The following ALMS1 variants were observed in gnomAD, a reference collection of about 807,000 sequenced individuals.
ALMS1 encodes the protein ALMS1 centrosome and basal body associated protein.
In ALMS1, 271 loss-of-function variants were observed where a neutral mutation model predicts 352.2. The observed-to-expected ratio is 0.77, with a 90% CI of 0.70 to 0.85. The LOEUF (loss-of-function observed/expected upper bound fraction) is 0.85. ALMS1 is among the 40% of genes least tolerant of loss of function. The pLI is 0.00. For synonymous variants in ALMS1, 1,865 were observed against 1,761.2 expected, an observed-to-expected ratio of 1.06 and a Z score of -1.48; for missense variants, 5,445 against 4,870.7, an observed-to-expected ratio of 1.12 and a Z score of -3.51.
intron 15 of ALMS1, among the ~76,000 whole-genome samples, chr2:73,570,894 T>A (rs1243274229): frequency 3.3e-5 from 5 of 152,202 alleles, no homozygotes; most frequent in Non-Finnish European, 7.3e-5. Context: ...TAGCTCTCAT[T>A]TTTACTTCAC....
At chr2:73,497,548 T>C (rs7572722) in intron 10 of ALMS1, among the ~76,000 whole-genome samples, 45,944 of 151,772 alleles carry the variant, frequency 0.3, 8,478 homozygotes, top group African/African-American at 0.53. Flanking sequence ...GTACAAGTTA[T>C]GTTAACACTA....
In ALMS1 at chr2:73,448,834, G is replaced by C; in HGVS notation, c.2307G>C (p.Lys769Asn). Residue 769 changes from lysine (K) to asparagine (N), a missense_variant, in exon 8 of 23, where the codon AAG (lysine) becomes AAC (asparagine). By Grantham distance (94) the Lys-to-Asn change is moderately conservative. Transcript: ENST00000613296. The stretch of plus-strand genomic sequence containing the variant: ...CTAGTTCTTACTCACAAAGAGAAAA[G>C]CCTAGTATTTTGTACCCACAGGACT... ...VQSSSYSQREKPSILYPQDLA... is the reference protein window; with the variant it reads ...VQSSSYSQRENPSILYPQDLA... 6.2e-7 allele frequency: 1 copy of C among 1,613,942 alleles called. No homozygotes were observed. The highest frequency in any genetic ancestry group is 8.5e-7 in the Non-Finnish European group (1 of 1,179,966).
chr2:73,482,112 A>C (rs945574962), intron 9 of ALMS1, among the ~76,000 whole-genome samples: 1 of 152,184 alleles, frequency 6.6e-6, no homozygotes, highest in African/African-American at 2.4e-5. Context: ...TTCCAACACC[A>C]TGTTGAATAG....
rs1485969883 is a variant in ALMS1, at chr2:73,451,056, G to T, written c.4529G>T (p.Gly1510Val). The change falls in exon 8 of 23, where the codon GGC (glycine) becomes GTC (valine). Residue 1510 changes from glycine (G) to valine (V), a missense_variant. By Grantham distance (109) the Gly-to-Val change is moderately radical. Coordinates refer to ENST00000613296, the MANE Select transcript of ALMS1 (RefSeq NM_001378454.1). ...GTTTCAGTTGCTCCTGGACCAGTTG[G>T]CCAGACAACTGGCGCACCAACTATA... ...LKVSVAPGPVGQTTGAPTITS... is the reference protein window; with the variant it reads ...LKVSVAPGPVVQTTGAPTITS... 3 of 1,608,564 alleles carry T rather than the reference G, an allele frequency of 1.9e-6. No homozygotes were observed. The highest frequency in any genetic ancestry group is 1.7e-6 in the Non-Finnish European group (2 of 1,178,400).
At chr2:73,572,150 A>T in intron 15 of ALMS1, 112 bp from the exon 16 acceptor site, 1 of 938,520 alleles carries the variant, frequency 1.1e-6, no homozygotes, top group Non-Finnish European at 1.6e-6. Context: ...TACCTTATAT[A>T]AACTATTCTT....
intron 11 of ALMS1, among the ~76,000 whole-genome samples, chr2:73,523,219 A>G (rs181193072): frequency 4.6e-5 from 7 of 152,342 alleles, no homozygotes; most frequent in Admixed American, 2.0e-4. Context: ...AGCTTATGCC[A>G]TAACACTTTT....
Position 73,424,927 on chromosome 2 carries a change from A to T in ALMS1, c.1237+25A>T, listed in dbSNP as rs182388532. On this transcript the variant is annotated intron_variant, in intron 5 of 22. Transcript: ENST00000613296. ...AGTAAGTACCCTGATTCTTTTTCAG[A>T]TTCATCTGACACAATTGATAAAAAT... 1,722 of 1,554,286 alleles carry T rather than the reference A, an allele frequency of 1.1e-3. 18 individuals carry two copies. The highest frequency in any genetic ancestry group is 1.5e-4 in the Non-Finnish European group (167 of 1,141,176).
chr2:73,567,637 G>A (rs1674830605), intron 15 of ALMS1, among the ~76,000 whole-genome samples: 4 of 152,146 alleles, frequency 2.6e-5, no homozygotes, highest in South Asian at 2.1e-4. Flanking sequence ...AGATCCATTT[G>A]TAAAAAGATG....
At position 73,426,572 on chromosome 2, in the gene ALMS1, A is replaced by G. The variant is rs145633676; in HGVS notation, c.1338+19A>G. The G allele has an allele frequency of 3.6e-4, 585 of 1,610,490 alleles. 3 individuals carry two copies. The East Asian group carries it at 0.013, about 35-fold the overall frequency. On this transcript the variant is annotated intron_variant, in intron 6 of 22. Transcript: ENST00000613296. ...AAGAAAGGTGAGACACAATAAAATGATAGTTGTAAGAAACGTGGCCTTTTT... is the reference window on the plus strand; with the variant it reads ...AAGAAAGGTGAGACACAATAAAATGGTAGTTGTAAGAAACGTGGCCTTTTT...
At chr2:73,412,465 G>A (rs1244112870) in intron 2 of ALMS1, among the ~76,000 whole-genome samples, 1 of 151,836 alleles carries the variant, frequency 6.6e-6, no homozygotes, top group East Asian at 1.9e-4. Flanking sequence ...TAGGTTTTTC[G>A]GTAGACATAC....
chr2:73,475,564 C>T (rs1335433085), intron 9 of ALMS1, among the ~76,000 whole-genome samples: 2 of 152,030 alleles, frequency 1.3e-5, no homozygotes, highest in East Asian at 3.8e-4. Context: ...ATAAATTTAT[C>T]ACTGTACAAA....
intron 9 of ALMS1, among the ~76,000 whole-genome samples, chr2:73,467,320 C>G (rs191144698): frequency 6.6e-6 from 1 of 152,072 alleles, no homozygotes; most frequent in East Asian, 1.9e-4. Flanking sequence ...CTAGGTGTCT[C>G]ATAAATGAAG....
chr2:73,545,972 T>C (rs919860539), intron 12 of ALMS1, among the ~76,000 whole-genome samples: 5 of 152,188 alleles, frequency 3.3e-5, no homozygotes, highest in Admixed American at 3.3e-4. Flanking sequence ...TGAAGAAATG[T>C]CTTTTTGGTA....
At chr2:73,479,643 T>C (rs986357733) in intron 9 of ALMS1, among the ~76,000 whole-genome samples, 1 of 152,234 alleles carries the variant, frequency 6.6e-6, no homozygotes, top group Non-Finnish European at 1.5e-5. Context: ...CTTGGTTGTT[T>C]CCCAGTTTTT....
chr2:73,480,728 C>T (rs1672682156), intron 9 of ALMS1, among the ~76,000 whole-genome samples: 2 of 150,592 alleles, frequency 1.3e-5, no homozygotes, highest in South Asian at 2.1e-4. Context: ...CACATCCTCT[C>T]CAGCACCTGT....
At chr2:73,537,280 C>A (rs1674048819) in intron 12 of ALMS1, among the ~76,000 whole-genome samples, 1 of 152,154 alleles carries the variant, frequency 6.6e-6, no homozygotes, top group African/African-American at 2.4e-5. Flanking sequence ...TTGATAGATT[C>A]TTTGAAAGGC....
At chr2:73,481,553 G>A (rs958841730) in intron 9 of ALMS1, among the ~76,000 whole-genome samples, 1 of 151,886 alleles carries the variant, frequency 6.6e-6, no homozygotes, top group Non-Finnish European at 1.5e-5. Flanking sequence ...TTGACTTGGC[G>A]ATGCAGGCTC....
chr2:73,495,321 A>G (rs1393160725), intron 10 of ALMS1, among the ~76,000 whole-genome samples: 1 of 151,546 alleles, frequency 6.6e-6, no homozygotes, highest in African/African-American at 2.4e-5. Flanking sequence ...TGCAACCTCC[A>G]CCTCCCGGGT....
At position 73,490,121 on chromosome 2, in the gene ALMS1, G is replaced by A. The variant is rs745857579; in HGVS notation, c.8162G>A (p.Arg2721Gln). 1.7e-5 allele frequency: 28 copies of A among 1,613,934 alleles called. No homozygotes were observed. The South Asian group carries it at 2.2e-4, about 13-fold the overall frequency. ...ACCTCCATCACTTTTTCATCTCACC[G>A]ACATTCTAAATGCATTTCCAATTCC... Reference protein sequence around the residue: ...FTTSITFSSHRHSKCISNSSV... With the variant: ...FTTSITFSSHQHSKCISNSSV... The change falls in exon 10 of 23, where the codon CGA becomes CAA. Residue 2721 changes from arginine (R) to glutamine (Q), a missense_variant. Arg to Gln is a conservative substitution (Grantham distance 43, BLOSUM62 1). Transcript: ENST00000613296.
Sources: gnomAD v4.1 joint callset for allele counts (sites outside exome capture counted in the v4.1 genomes callset) on GRCh38, gnomAD v4.1.1 for gene constraint, MANE v1.5 for transcripts, NCBI Gene and HGNC (gene_info 2026-07-23, HGNC 2026-07-21) for gene names.